The following NRG3 variants were observed in gnomAD, a reference collection of about 807,000 sequenced individuals.
NRG3 encodes pro-neuregulin-3, membrane-bound isoform.
In NRG3, 31 loss-of-function variants were observed where a neutral mutation model predicts 66.9. That is an observed-to-expected ratio of 0.46 (90% CI 0.35 to 0.63). The LOEUF (loss-of-function observed/expected upper bound fraction) is 0.63. Among genes scored for constraint, NRG3 ranks in the 20% least tolerant of loss-of-function variants. NRG3 has a pLI of 0.00. For missense variants in NRG3, 910 were observed against 878.9 expected, an observed-to-expected ratio of 1.04 and a Z score of -0.45; for synonymous variants, 393 against 359.4, an observed-to-expected ratio of 1.09 and a Z score of -1.06.
At chr10:82,123,143 ATAAG>A (rs1291989548) in intron 1 of NRG3, among the ~76,000 whole-genome samples, 5 of 152,326 alleles carry the variant, frequency 3.3e-5, no homozygotes, top group Admixed American at 2.0e-4. Flanking sequence ...TTAAGACAGA[ATAAG>A]TAGTATACCC....
intron 1 of NRG3, among the ~76,000 whole-genome samples, chr10:82,172,428 C>T (rs1318248748): frequency 6.6e-6 from 1 of 151,990 alleles, no homozygotes; most frequent in Non-Finnish European, 1.5e-5. Context: ...ACAATGAACC[C>T]CAAACATGAA....
chr10:82,904,024 A>G (rs1844482992), intron 4 of NRG3, among the ~76,000 whole-genome samples: 1 of 152,128 alleles, frequency 6.6e-6, no homozygotes, highest in Non-Finnish European at 1.5e-5. Context: ...TTACATTATC[A>G]GCTTGTATTT....
chr10:82,753,360 AT>A (rs1188381047), intron 3 of NRG3, among the ~76,000 whole-genome samples: 1 of 151,518 alleles, frequency 6.6e-6, no homozygotes, highest in Non-Finnish European at 1.5e-5. Flanking sequence ...TTTCTTATTG[AT>A]TTGTAGGAGC....
At position 82,094,415 on chromosome 10, in the gene NRG3, C is replaced by G. The variant is rs964885777; in HGVS notation, c.823+218252C>G. On this transcript the variant is annotated intron_variant, in intron 1 of 8. Coordinates refer to ENST00000372141, the MANE Select transcript of NRG3 (RefSeq NM_001010848.4). Reference sequence around the variant, plus strand: ...CTGGAAATGTAAATTAGCACAATCTCTATGGTAAAAAGTATGACGATTTCT... The same window carrying G: ...CTGGAAATGTAAATTAGCACAATCTGTATGGTAAAAAGTATGACGATTTCT... Among the ~76,000 whole-genome samples the G allele has an allele frequency of 1.6e-4, 24 of 152,286 alleles. No homozygotes were observed. The South Asian group carries it at 4.1e-3, about 26-fold the overall frequency.
At chr10:82,317,721 A>T (rs998900461) in intron 1 of NRG3, among the ~76,000 whole-genome samples, 19 of 152,220 alleles carry the variant, frequency 1.2e-4, no homozygotes, top group African/African-American at 4.1e-4. Context: ...CGATCAAGAA[A>T]AATAATGAGA....
intron 2 of NRG3, among the ~76,000 whole-genome samples, chr10:82,552,140 GA>G (rs1565061109): frequency 6.6e-6 from 1 of 152,014 alleles, no homozygotes; most frequent in African/African-American, 2.4e-5. Context: ...ATTGAGGGTT[GA>G]AAATGGTGAT....
intron 1 of NRG3, among the ~76,000 whole-genome samples, chr10:82,175,565 A>G (rs1198830161): frequency 1.3e-5 from 2 of 152,176 alleles, no homozygotes; most frequent in East Asian, 1.9e-4. Flanking sequence ...CTAGATTTTC[A>G]AGACTCAGTT....
At chr10:82,026,479 C>T (rs574842369) in intron 1 of NRG3, among the ~76,000 whole-genome samples, 7 of 152,032 alleles carry the variant, frequency 4.6e-5, no homozygotes, top group Admixed American at 6.6e-5. Flanking sequence ...GATGATGTTT[C>T]GGGAATTGCT....
In NRG3 at chr10:82,796,440, C is replaced by G. The variant is rs543762761; in HGVS notation, c.1027+57790C>G. Among the ~76,000 whole-genome samples the G allele has an allele frequency of 9.2e-5, 14 of 152,268 alleles. 1 individual carries two copies. In the South Asian group the frequency reaches 2.1e-3, roughly 23 times the overall value. Reference sequence around the variant, plus strand: ...CGAAGTCTGAAAGTGCTGCAGCCCTCTGGACCCTGTGGACTCTCAAAACTA... The same window carrying G: ...CGAAGTCTGAAAGTGCTGCAGCCCTGTGGACCCTGTGGACTCTCAAAACTA... On this transcript the variant is annotated intron_variant, in intron 3 of 8. Transcript: ENST00000372141.
intron 1 of NRG3, among the ~76,000 whole-genome samples, chr10:82,259,476 C>A (rs1046066670): frequency 9.9e-5 from 15 of 152,140 alleles, no homozygotes; most frequent in Non-Finnish European, 2.2e-4. Flanking sequence ...CACCTACACT[C>A]CTCTTTATTA....
At chr10:81,988,708 G>A (rs558982651) in intron 1 of NRG3, among the ~76,000 whole-genome samples, 3 of 152,008 alleles carry the variant, frequency 2.0e-5, no homozygotes, top group Non-Finnish European at 2.9e-5. Context: ...CCAGATAAGT[G>A]TGTGTTATAT....
At position 82,811,533 on chromosome 10, in the gene NRG3, C is replaced by G. The variant is rs530738633; in HGVS notation, c.1028-53878C>G. 2.0e-5 allele frequency among the ~76,000 whole-genome samples: 3 copies of G among 152,264 alleles called. No homozygotes were observed. The East Asian group carries it at 5.8e-4, about 29-fold the overall frequency. The stretch of plus-strand genomic sequence containing the variant: ...CTTCCTATTAGATTCTATTGTAACA[C>G]TTGTGGAACAGGTGAAAAGTAAAGG... On this transcript the variant is annotated intron_variant, in intron 3 of 8. Coordinates refer to ENST00000372141, the MANE Select transcript of NRG3 (RefSeq NM_001010848.4).
chr10:82,634,421 ATTAT>A (rs1367295539), intron 2 of NRG3, among the ~76,000 whole-genome samples: 1 of 151,896 alleles, frequency 6.6e-6, no homozygotes, highest in Non-Finnish European at 1.5e-5. Flanking sequence ...TCCCATATTC[ATTAT>A]TTATGTTGTG....
chr10:82,827,296 G>A (rs1271545163), intron 3 of NRG3: 1 of 327,538 alleles, frequency 3.1e-6, no homozygotes, highest in Non-Finnish European at 5.9e-6. Context: ...GAAAACAAAG[G>A]CAACAGCACA....
intron 1 of NRG3, among the ~76,000 whole-genome samples, chr10:81,878,550 A>G (rs1564627549): frequency 6.6e-6 from 1 of 152,222 alleles, no homozygotes; most frequent in Non-Finnish European, 1.5e-5. Flanking sequence ...GATTATCAGC[A>G]GTGCTACTGT....
intron 1 of NRG3, among the ~76,000 whole-genome samples, chr10:82,223,575 C>A (rs2076034076): frequency 6.6e-6 from 1 of 151,430 alleles, no homozygotes; most frequent in South Asian, 2.1e-4. Context: ...CCTAAATATA[C>A]TACTAGGGTT....
At chr10:82,434,999 T>A (rs1174135407) in intron 2 of NRG3, among the ~76,000 whole-genome samples, 3 of 152,068 alleles carry the variant, frequency 2.0e-5, no homozygotes, top group Non-Finnish European at 4.4e-5. Context: ...CAATTGTTTT[T>A]AAAAGTTTCA....
At chr10:82,104,096 A>AT (rs1181261842) in intron 1 of NRG3, among the ~76,000 whole-genome samples, 9 of 151,682 alleles carry the variant, frequency 5.9e-5, no homozygotes, top group Admixed American at 4.6e-4. Flanking sequence ...TTGTTCTTCA[A>AT]TTTTTTTGAC....
intron 1 of NRG3, among the ~76,000 whole-genome samples, chr10:82,246,020 A>G (rs1430445357): frequency 7.4e-6 from 1 of 135,126 alleles, no homozygotes; most frequent in Non-Finnish European, 1.5e-5. Context: ...ATATATTGTG[A>G]AACACTCGGG....
Sources: allele counts gnomAD v4.1 joint callset (sites outside exome capture counted in the v4.1 genomes callset), GRCh38; gene constraint gnomAD v4.1.1; transcripts MANE v1.5; gene names NCBI Gene and HGNC (gene_info 2026-07-23, HGNC 2026-07-21).